TOP6BL: variants seen among roughly 807,000 people sequenced by gnomAD.
TOP6BL encodes TOP6B like initiator of meiotic double strand breaks, also known as type 2 DNA topoisomerase 6 subunit B-like.
chr11:66,790,201 G>A, the TOP6BL span, among the ~76,000 whole-genome samples: 233 of 152,106 alleles, frequency 1.5e-3, no homozygotes, highest in Admixed American at 3.7e-3. Flanking sequence ...CCCGGGAGGC[G>A]GAGCTTGAAG....
At chr11:66,801,177 A>G in the TOP6BL span, 3 of 1,471,542 alleles carry the variant, frequency 2.0e-6, no homozygotes, top group South Asian at 1.2e-5. Flanking sequence ...TAGAAATTGG[A>G]AATTGTCTCA....
the TOP6BL span, among the ~76,000 whole-genome samples, chr11:66,815,449 A>T: frequency 6.6e-6 from 1 of 152,194 alleles, no homozygotes; most frequent in Non-Finnish European, 1.5e-5. Flanking sequence ...TGGGCAATGG[A>T]TTACATTTGG....
chr11:66,833,995 G>A, the TOP6BL span, among the ~76,000 whole-genome samples: 1 of 151,902 alleles, frequency 6.6e-6, no homozygotes, highest in East Asian at 1.9e-4. Flanking sequence ...TTTTGCTATA[G>A]TCATGGCTCA....
the TOP6BL span, among the ~76,000 whole-genome samples, chr11:66,791,521 A>G: frequency 1.3e-5 from 2 of 152,146 alleles, no homozygotes; most frequent in Non-Finnish European, 2.9e-5. Flanking sequence ...GGGGCAAGAG[A>G]GAGAGACAGA....
At chr11:66,788,274 G>C in the TOP6BL span, 1 of 1,583,526 alleles carries the variant, frequency 6.3e-7, no homozygotes, top group Non-Finnish European at 8.7e-7. Flanking sequence ...TTTGAGGCAG[G>C]TTTTGTTGTG....
At chr11:66,816,769 G>A in the TOP6BL span, among the ~76,000 whole-genome samples, 136 of 152,200 alleles carry the variant, frequency 8.9e-4, no homozygotes, top group African/African-American at 3.1e-3. Flanking sequence ...TTTGTATGGA[G>A]GTCTTGCTTT....
chr11:66,800,064 CAAAAAA>C, the TOP6BL span, among the ~76,000 whole-genome samples: 1 of 107,680 alleles, frequency 9.3e-6, no homozygotes, highest in East Asian at 2.7e-4. Context: ...GACCCTGTCT[CAAAAAA>C]AAAAAAAAAC....
the TOP6BL span, among the ~76,000 whole-genome samples, chr11:66,751,111 G>A: frequency 6.6e-6 from 1 of 151,576 alleles, no homozygotes; most frequent in South Asian, 2.1e-4. Context: ...GACCCCCTGA[G>A]CTCAGGTGAT....
At chr11:66,756,167 ATATT>A in the TOP6BL span, among the ~76,000 whole-genome samples, 4 of 152,368 alleles carry the variant, frequency 2.6e-5, no homozygotes, top group South Asian at 6.2e-4. Context: ...ATGCCACAGA[ATATT>A]TATATGAGTT....
the TOP6BL span, chr11:66,804,239 T>C: frequency 6.9e-7 from 1 of 1,455,528 alleles, no homozygotes; most frequent in Non-Finnish European, 9.3e-7. Context: ...AAATGGGTTT[T>C]TATATCCCAG....
the TOP6BL span, among the ~76,000 whole-genome samples, chr11:66,761,303 G>A: frequency 2.0e-5 from 3 of 151,942 alleles, no homozygotes; most frequent in African/African-American, 7.3e-5. Context: ...CCCGGGAGGC[G>A]GAGCTTGCAG....
At chr11:66,833,065 T>TG in the TOP6BL span, among the ~76,000 whole-genome samples, 2 of 144,328 alleles carry the variant, frequency 1.4e-5, no homozygotes, top group East Asian at 2.0e-4. Flanking sequence ...TTTTTTTTTT[T>TG]GACACCGAGT....
At chr11:66,788,238 C>T in the TOP6BL span, 2 of 1,613,632 alleles carry the variant, frequency 1.2e-6, no homozygotes, top group Non-Finnish European at 1.7e-6. Context: ...CAGGATATGA[C>T]AGGGGTAACA....
At chr11:66,836,110 T>C in the TOP6BL span, among the ~76,000 whole-genome samples, 776 of 152,340 alleles carry the variant, frequency 5.1e-3, 7 homozygotes, top group Non-Finnish European at 5.8e-3. Flanking sequence ...GTGGTTTTGA[T>C]TTGCATTTCT....
At chr11:66,790,643 C>T in the TOP6BL span, among the ~76,000 whole-genome samples, 2 of 152,122 alleles carry the variant, frequency 1.3e-5, no homozygotes, top group African/African-American at 2.4e-5. Flanking sequence ...TCAAGGCAGC[C>T]GTTATTAACA....
chr11:66,745,639 C>G, the TOP6BL span, among the ~76,000 whole-genome samples: 3 of 152,186 alleles, frequency 2.0e-5, no homozygotes, highest in Admixed American at 6.5e-5. Flanking sequence ...TGAGAGAGTA[C>G]CCCCGGGCGT....
chr11:66,835,508 G>A, the TOP6BL span, among the ~76,000 whole-genome samples: 2 of 152,046 alleles, frequency 1.3e-5, no homozygotes, highest in Admixed American at 6.6e-5. Flanking sequence ...TGCAGCCATC[G>A]CCACTAAAAT....
chr11:66,826,842 C>T, the TOP6BL span, among the ~76,000 whole-genome samples: 2 of 151,664 alleles, frequency 1.3e-5, no homozygotes, highest in Non-Finnish European at 2.9e-5. Flanking sequence ...GCCACCACCC[C>T]TGGCTAATTT....
chr11:66,758,296 C>CTTTTTT, the TOP6BL span: 1 of 57,394 alleles, frequency 1.7e-5, no homozygotes, highest in African/African-American at 6.9e-5. Context: ...CTGGTATTTT[C>CTTTTTT]TTTTTCTTTT....
Sources: gnomAD v4.1 joint callset for allele counts (sites outside exome capture counted in the v4.1 genomes callset) on GRCh38, gnomAD v4.1.1 for gene constraint, MANE v1.5 for transcripts, NCBI Gene and HGNC (gene_info 2026-07-23, HGNC 2026-07-21) for gene names.